Variants in NAV3 observed in about 807,000 individuals in gnomAD.
NAV3 encodes the protein pore membrane and/or filament interacting like protein 1.
A neutral mutation model predicts 244.7 loss-of-function variants in NAV3; 87 were observed. The observed-to-expected ratio is 0.36, with a 90% CI of 0.30 to 0.42. The LOEUF (loss-of-function observed/expected upper bound fraction) is 0.42. NAV3 is among the 20% of genes least tolerant of loss of function. The pLI is 1.00. For synonymous variants in NAV3, 1,126 were observed against 1,042.2 expected, an observed-to-expected ratio of 1.08 and a Z score of -1.55; for missense variants, 2,663 against 2,893.3, an observed-to-expected ratio of 0.92 and a Z score of 1.83.
At chr12:78,017,398 G>T (rs1208104283) in intron 8 of NAV3, among the ~76,000 whole-genome samples, 1 of 152,052 alleles carries the variant, frequency 6.6e-6, no homozygotes, top group East Asian at 1.9e-4. Context: ...GCTTTAGTGC[G>T]CTCCAGCCGG....
chr12:77,686,139 G>A (rs1382760526), intron 2 of NAV3, among the ~76,000 whole-genome samples: 2 of 152,108 alleles, frequency 1.3e-5, no homozygotes, highest in Non-Finnish European at 1.5e-5. Context: ...ATTTATGTAT[G>A]TATGTATGTA....
intron 1 of NAV3, among the ~76,000 whole-genome samples, chr12:77,838,966 A>G (rs1229129767): frequency 6.6e-6 from 1 of 152,160 alleles, no homozygotes; most frequent in East Asian, 1.9e-4. Context: ...ATTTTGTTCC[A>G]TTAGTGATCC....
intron 2 of NAV3, among the ~76,000 whole-genome samples, chr12:77,801,547 T>G (rs1871705356): frequency 6.6e-6 from 1 of 152,148 alleles, no homozygotes. Flanking sequence ...ATGTGCAAAG[T>G]AATAATATGT....
At chr12:78,012,350 C>T (rs1566018269) in intron 8 of NAV3, among the ~76,000 whole-genome samples, 1 of 152,058 alleles carries the variant, frequency 6.6e-6, no homozygotes. Context: ...ACATCCTTCA[C>T]ACAGATGGCA....
In NAV3 at chr12:78,048,027, G is replaced by A. The variant is rs1161525710; in HGVS notation, c.2024-1966G>A. On this transcript the variant is annotated intron_variant, in intron 9 of 39. Transcript: ENST00000397909. ...CTATTTCTACTTATGTATGCTTCAC[G>A]AAGAATTTCGTGCTATGTTTTTCAG... Among the ~76,000 whole-genome samples the A allele has an allele frequency of 6.6e-5, 10 of 151,966 alleles. No homozygotes were observed. In the East Asian group the frequency reaches 1.5e-3, roughly 23 times the overall value.
rs1054453437 is a variant in NAV3 at position 77,897,006 on chromosome 12, G to T, written c.244-43313G>T. ...GTGTGGTCTGTTGACCAGAGGCATG[G>T]GCATCACCTGAGAGCTTGTTAAAAA... On this transcript the variant is annotated intron_variant, in intron 1 of 39. Transcript: ENST00000397909. Among the ~76,000 whole-genome samples, 3 of 152,108 alleles carry T rather than the reference G, an allele frequency of 2.0e-5. 1 individual carries two copies. Among genetic ancestry groups the T allele is most frequent in the Non-Finnish European group, 4.4e-5 (3 of 68,016 alleles).
intron 1 of NAV3, among the ~76,000 whole-genome samples, chr12:77,888,438 C>T (rs1883550787): frequency 6.6e-6 from 1 of 152,150 alleles, no homozygotes; most frequent in Non-Finnish European, 1.5e-5. Flanking sequence ...GATCATGTCA[C>T]TGCACTCCAG....
intron 16 of NAV3, among the ~76,000 whole-genome samples, chr12:78,126,113 T>G (rs943336529): frequency 3.3e-5 from 5 of 152,220 alleles, no homozygotes; most frequent in Non-Finnish European, 7.4e-5. Flanking sequence ...CTCTACACAG[T>G]ATAAGCAATT....
intron 12 of NAV3, among the ~76,000 whole-genome samples, chr12:78,071,162 C>A (rs1444348165): frequency 6.6e-6 from 1 of 152,138 alleles, no homozygotes; most frequent in Non-Finnish European, 1.5e-5. Context: ...AGTTTACAGT[C>A]CCACCAACAG....
At chr12:77,975,270 C>T (rs961978626) in intron 5 of NAV3, among the ~76,000 whole-genome samples, 1 of 152,118 alleles carries the variant, frequency 6.6e-6, no homozygotes, top group Non-Finnish European at 1.5e-5. Context: ...TTAATTGATT[C>T]TACAAACTTT....
At position 78,190,340 on chromosome 12, in the gene NAV3, T is replaced by TA. The variant is rs541527615; in HGVS notation, c.6291+122dup. ...TGGAAAAGAATATCCATCTTTTTTT[T>TA]ACTAGAATTGTAACCTGGTGAGTGA... On this transcript the variant is annotated intron_variant, in intron 34 of 39. Transcript: ENST00000397909. 1,375 of 801,062 alleles carry TA rather than the reference T, an allele frequency of 1.7e-3. 19 individuals are homozygous for TA. Among genetic ancestry groups the TA allele is most frequent in the Middle Eastern group, 0.012 (34 of 2,826 alleles). The allele number at this position is 801,062 out of a possible 1,614,324, so 49.6% of individuals were successfully genotyped here.
chr12:78,021,796 A>C lies in NAV3; in HGVS notation c.1957A>C (p.Thr653Pro). 1 of 1,611,506 alleles carries C rather than the reference A, an allele frequency of 6.2e-7. No individual in the cohort carries two copies. The highest frequency in any genetic ancestry group is 8.5e-7 in the Non-Finnish European group (1 of 1,178,536). ...CGCTTTACCATCGGCTGACTCCTGT[A>C]CCAGTCCTACAAAGATGGACTTATC... is the stretch of plus-strand genomic sequence containing the variant. ...GTALPSADSC[T>P]SPTKMDLSYS... Residue 653 changes from threonine to proline, a missense_variant, in exon 9 of 40, where the codon ACC becomes CCC. Physicochemically the swap from Thr to Pro is conservative, Grantham distance 38. Around this residue, in one of 6 missense-constraint regions of NAV3, gnomAD observed 1,521 missense variants for 1,497.0 expected, o/e 1.02. Transcript: ENST00000397909.
chr12:77,648,736 G>T (rs1464652696), intron 2 of NAV3, among the ~76,000 whole-genome samples: 3 of 152,066 alleles, frequency 2.0e-5, no homozygotes, highest in Non-Finnish European at 4.4e-5. Context: ...GGCTCAAGAG[G>T]TCTTTTAAGA....
chr12:77,877,874 A>G (rs534387374), intron 1 of NAV3, among the ~76,000 whole-genome samples: 1 of 152,252 alleles, frequency 6.6e-6, no homozygotes, highest in South Asian at 2.1e-4. Context: ...CCAGGTAAAC[A>G]AGATCAATAT....
At chr12:77,686,730 C>G (rs1874770285) in intron 2 of NAV3, among the ~76,000 whole-genome samples, 1 of 152,048 alleles carries the variant, frequency 6.6e-6, no homozygotes, top group Non-Finnish European at 1.5e-5. Flanking sequence ...GTGAGTGAAG[C>G]CACGAGTTTA....
chr12:78,032,598 A>G (rs144542386), intron 9 of NAV3, among the ~76,000 whole-genome samples: 63 of 152,300 alleles, frequency 4.1e-4, no homozygotes, highest in African/African-American at 1.5e-3. Flanking sequence ...GGTAGCTCCA[A>G]TAATTATTAT....
chr12:77,871,613 G>A (rs1371582838), intron 1 of NAV3, among the ~76,000 whole-genome samples: 1 of 152,196 alleles, frequency 6.6e-6, no homozygotes, highest in African/African-American at 2.4e-5. Context: ...CAAAGGACAT[G>A]AACTCATCCT....
At chr12:77,739,684 A>T (rs1226243440) in intron 2 of NAV3, among the ~76,000 whole-genome samples, 1 of 152,204 alleles carries the variant, frequency 6.6e-6, no homozygotes, top group East Asian at 1.9e-4. Context: ...AAATTTTAAA[A>T]TTTTATGAAA....
chr12:78,133,518 T>C (rs1428975735), intron 18 of NAV3, among the ~76,000 whole-genome samples: 1 of 151,770 alleles, frequency 6.6e-6, no homozygotes, highest in Non-Finnish European at 1.5e-5. Context: ...TTATTAATGT[T>C]CAAAAGTTGC....
Sources: allele counts gnomAD v4.1 joint callset (sites outside exome capture counted in the v4.1 genomes callset), GRCh38; gene constraint gnomAD v4.1.1; regional missense constraint gnomAD v4.1.1; transcripts MANE v1.5; gene names NCBI Gene and HGNC (gene_info 2026-07-23, HGNC 2026-07-21).